Variants in DENND1B observed in about 807,000 individuals in gnomAD.
DENND1B encodes the protein DENN domain-containing protein 1B.
DENND1B carries 59 observed loss-of-function variants against 90.1 expected under a neutral mutation model. The observed-to-expected ratio is 0.65, with a 90% CI of 0.53 to 0.81. The LOEUF is 0.81. Among genes scored for constraint, DENND1B ranks in the 40% least tolerant of loss-of-function variants. DENND1B has a pLI of 0.00. For synonymous variants in DENND1B, 337 were observed against 324.6 expected (o/e 1.04, Z -0.41); for missense variants, 862 against 912.6 (o/e 0.94, Z 0.71).
At chr1:197,780,241 C>T (rs1232836730), upstream of DENND1B, among the ~76,000 whole-genome samples, 3 of 152,000 alleles carry the variant, frequency 2.0e-5, no homozygotes, top group South Asian at 2.1e-4. Context: ...GGTCTGAAGA[C>T]CCATAAGACC....
At chr1:197,726,242 C>A (rs1363683507) in intron 2 of DENND1B, among the ~76,000 whole-genome samples, 1 of 152,156 alleles carries the variant, frequency 6.6e-6, no homozygotes, top group East Asian at 1.9e-4. Context: ...AGTGATCTTG[C>A]TGGCATGTAA....
chr1:197,781,260 T>C, the DENND1B span, among the ~76,000 whole-genome samples: 1 of 152,180 alleles, frequency 6.6e-6, no homozygotes, highest in Non-Finnish European at 1.5e-5. Context: ...AGAAATGAAT[T>C]TTTTGAGGCA....
rs117944848 is a variant in DENND1B, at chr1:197,593,040, T to C, written c.1047+2168A>G. Reference sequence around the variant, plus strand: ...TATATTTGATTGATATAAAATATTTTTGGTTGATATTAAAAAAAGGTCTAA... The same window carrying C: ...TATATTTGATTGATATAAAATATTTCTGGTTGATATTAAAAAAAGGTCTAA... On this transcript the variant is annotated intron_variant, in intron 14 of 22. Transcript: ENST00000620048. Among the ~76,000 whole-genome samples the C allele has an allele frequency of 6.8e-4, 103 of 152,072 alleles. No homozygotes were observed. In the East Asian group the frequency reaches 0.02, roughly 29 times the overall value.
chr1:197,611,751 G>A (rs1677199013), intron 12 of DENND1B, among the ~76,000 whole-genome samples, 180 bp downstream of exon 12: 1 of 150,594 alleles, frequency 6.6e-6, no homozygotes, highest in Non-Finnish European at 1.5e-5. Context: ...TGGTCATTTA[G>A]TATGTTAATT....
At chr1:197,601,644 G>C (rs1676221256) in intron 13 of DENND1B, among the ~76,000 whole-genome samples, 1 of 151,496 alleles carries the variant, frequency 6.6e-6, no homozygotes, top group Non-Finnish European at 1.5e-5. Flanking sequence ...ACTTCATTGA[G>C]CACTTAAAAT....
In DENND1B at chr1:197,506,586, G is replaced by C. The variant is rs1399582378; in HGVS notation, c.*3874C>G. The C allele has an allele frequency of 6.6e-6, 1 of 151,394 alleles. No homozygotes were observed. Among genetic ancestry groups the C allele is most frequent in the Admixed American group, 6.6e-5 (1 of 15,162 alleles). The allele number at this position is 151,394 out of a possible 1,614,324, so 9.4% of individuals were successfully genotyped here. On this transcript the variant is annotated 3_prime_UTR_variant, in exon 23 of 23. Coordinates refer to ENST00000620048, the MANE Select transcript of DENND1B (RefSeq NM_001195215.2). ...CCACATTTTCTACAAGAGAATGAAG[G>C]TCTATTGATTATGAGACATTCACAG...
At chr1:197,662,937 C>G (rs755343110) in intron 5 of DENND1B, among the ~76,000 whole-genome samples, 3 of 152,020 alleles carry the variant, frequency 2.0e-5, no homozygotes, top group Non-Finnish European at 4.4e-5. Flanking sequence ...AAATAAAGGT[C>G]TATTCAATGT....
chr1:197,528,487 C>CA (rs1353960456), intron 20 of DENND1B, among the ~76,000 whole-genome samples: 5 of 152,116 alleles, frequency 3.3e-5, no homozygotes, highest in Non-Finnish European at 5.9e-5. Context: ...TCCAAAAAGA[C>CA]AAAAAGTTTC....
At chr1:197,668,976 G>A (rs1195241849) in intron 5 of DENND1B, among the ~76,000 whole-genome samples, 1 of 151,898 alleles carries the variant, frequency 6.6e-6, no homozygotes, top group African/African-American at 2.4e-5. Context: ...CAGCAATGCT[G>A]AGCATCATGC....
intron 10 of DENND1B, among the ~76,000 whole-genome samples, chr1:197,635,659 T>A (rs555599374): frequency 4.6e-4 from 70 of 152,210 alleles, no homozygotes; most frequent in Middle Eastern, 3.4e-3. Flanking sequence ...TTTAAAGAGA[T>A]CGATATCTAA....
intron 15 of DENND1B, among the ~76,000 whole-genome samples, chr1:197,562,060 A>G (rs573404930): frequency 2.1e-4 from 32 of 152,010 alleles, no homozygotes; most frequent in African/African-American, 7.5e-4. Context: ...TTTAAATTGT[A>G]ATCCTACCCT....
At chr1:197,520,779 T>G (rs940518993) in intron 20 of DENND1B, among the ~76,000 whole-genome samples, 1 of 151,926 alleles carries the variant, frequency 6.6e-6, no homozygotes, top group Non-Finnish European at 1.5e-5. Context: ...AAATGGGGAA[T>G]TGGATGTCAC....
intron 20 of DENND1B, among the ~76,000 whole-genome samples, chr1:197,528,060 A>C (rs1447237831): frequency 2.0e-5 from 3 of 152,244 alleles, no homozygotes; most frequent in Non-Finnish European, 4.4e-5. Context: ...TTTCATAAAT[A>C]CAATACTATA....
At position 197,772,068 on chromosome 1, in the gene DENND1B, C is replaced by T. The variant is rs1234226652; in HGVS notation, c.82+800G>A. Among the ~76,000 whole-genome samples, 8 of 152,256 alleles carry T rather than the reference C, an allele frequency of 5.3e-5. No homozygotes were observed. In the East Asian group the frequency reaches 1.5e-3, roughly 29 times the overall value. ...TTTCACACTATCGTTTACCTCCCTGCAAAAGTGCTGTGCTATTGGAGTAAA... is the reference window on the plus strand; with the variant it reads ...TTTCACACTATCGTTTACCTCCCTGTAAAAGTGCTGTGCTATTGGAGTAAA... On this transcript the variant is annotated intron_variant, in intron 2 of 22. Transcript: ENST00000620048.
intron 11 of DENND1B, among the ~76,000 whole-genome samples, chr1:197,615,730 C>A (rs184585500): frequency 6.6e-6 from 1 of 150,920 alleles, no homozygotes; most frequent in Non-Finnish European, 1.5e-5. Context: ...TATATTACTC[C>A]GTTCCTATGA....
At chr1:197,780,218 C>T (rs1259506889), upstream of DENND1B, among the ~76,000 whole-genome samples, 1 of 152,080 alleles carries the variant, frequency 6.6e-6, no homozygotes, top group African/African-American at 2.4e-5. Flanking sequence ...GTTGGATTTC[C>T]CACATTAGGA....
At chr1:197,572,147 A>G (rs1331876193) in intron 15 of DENND1B, among the ~76,000 whole-genome samples, 1 of 152,012 alleles carries the variant, frequency 6.6e-6, no homozygotes, top group African/African-American at 2.4e-5. Context: ...GGGTTGGGGG[A>G]TTTCCCTTTC....
At chr1:197,713,992 TC>T (rs978427907) in intron 3 of DENND1B, among the ~76,000 whole-genome samples, 2 of 117,948 alleles carry the variant, frequency 1.7e-5, no homozygotes, top group African/African-American at 5.9e-5. Flanking sequence ...TAATTATATA[TC>T]TTTTTTTTTT....
chr1:197,713,793 T>TATTATATATAATATATTATATATAATA (rs1376908590), intron 3 of DENND1B, among the ~76,000 whole-genome samples: 2 of 20,226 alleles, frequency 9.9e-5, no homozygotes, highest in African/African-American at 3.7e-4. Context: ...TATTATAATA[T>TATTATATATAATATATTATATATAATA]TATTATATTA....
Sources: allele counts gnomAD v4.1 joint callset (sites outside exome capture counted in the v4.1 genomes callset), GRCh38; gene constraint gnomAD v4.1.1; transcripts MANE v1.5; gene names NCBI Gene and HGNC (gene_info 2026-07-23, HGNC 2026-07-21).